The following GPHN variants were observed in gnomAD, a reference collection of about 807,000 sequenced individuals.
GPHN encodes gephyrin.
Under a neutral mutation model 95.5 loss-of-function variants are expected in GPHN, and 17 were observed. The ratio of observed to expected loss-of-function variants is 0.18; its 90% confidence interval spans 0.12 to 0.27. The LOEUF (loss-of-function observed/expected upper bound fraction) is 0.27, where lower values mean the gene tolerates loss of function less well. Ranked by LOEUF, GPHN falls within the 10% of genes least tolerant of loss-of-function variation. GPHN has a pLI of 1.00. For synonymous variants in GPHN, 320 were observed against 322.5 expected (o/e 0.99, Z 0.08); for missense variants, 660 against 978.1 (o/e 0.67, Z 4.34).
chr14:67,302,227 A>G, the GPHN span: 2 of 1,276,780 alleles, frequency 1.6e-6, no homozygotes, highest in African/African-American at 3.1e-5. Context: ...TCTGAAGCAG[A>G]AAGTGTGGGG....
At chr14:67,674,030 T>C in the GPHN span, among the ~76,000 whole-genome samples, 1 of 152,246 alleles carries the variant, frequency 6.6e-6, no homozygotes, top group East Asian at 1.9e-4. Context: ...GTCTTGAGAC[T>C]AGTGCTTTTA....
intron 10 of GPHN, among the ~76,000 whole-genome samples, chr14:67,030,193 A>T (rs943395098): frequency 5.3e-5 from 8 of 152,028 alleles, no homozygotes; most frequent in African/African-American, 1.9e-4. Flanking sequence ...ATCTTTTCTT[A>T]AATATTACAC....
At chr14:66,705,810 G>A (rs1436097161) in intron 2 of GPHN, among the ~76,000 whole-genome samples, 1 of 152,082 alleles carries the variant, frequency 6.6e-6, no homozygotes, top group Non-Finnish European at 1.5e-5. Context: ...TGTAAGTTCT[G>A]GCCAGGGCAA....
intron 4 of GPHN, among the ~76,000 whole-genome samples, chr14:66,830,251 G>A (rs554806730): frequency 1.3e-5 from 2 of 151,922 alleles, no homozygotes; most frequent in South Asian, 2.1e-4. Context: ...AATAATGTTA[G>A]GTTTCCTTCC....
At chr14:67,331,467 G>A in the GPHN span, among the ~76,000 whole-genome samples, 10 of 152,010 alleles carry the variant, frequency 6.6e-5, no homozygotes, top group African/African-American at 2.2e-4. Context: ...GTAACCAACC[G>A]GTTATCTAGT....
At chr14:66,895,277 A>G (rs2064775819) in intron 5 of GPHN, among the ~76,000 whole-genome samples, 1 of 152,178 alleles carries the variant, frequency 6.6e-6, no homozygotes, top group Non-Finnish European at 1.5e-5. Context: ...CAGACACCGC[A>G]TGTTCTCACT....
At chr14:67,479,813 A>T in the GPHN span, among the ~76,000 whole-genome samples, 12 of 152,258 alleles carry the variant, frequency 7.9e-5, no homozygotes, top group African/African-American at 2.9e-4. Context: ...TAAGCAAATG[A>T]ACCCAAAGAA....
the GPHN span, chr14:67,349,057 G>A: frequency 1.2e-5 from 20 of 1,613,778 alleles, no homozygotes; most frequent in Admixed American, 6.7e-5. Flanking sequence ...ATCTTTCTTC[G>A]CTCGAATCTT....
chr14:67,704,349 T>A, the GPHN span, among the ~76,000 whole-genome samples: 2 of 152,206 alleles, frequency 1.3e-5, no homozygotes, highest in East Asian at 3.9e-4. Context: ...ATTGAGGCAT[T>A]TTTAAAATAA....
At chr14:66,642,610 G>A (rs1273985384) in intron 1 of GPHN, among the ~76,000 whole-genome samples, 1 of 150,150 alleles carries the variant, frequency 6.7e-6, no homozygotes, top group Non-Finnish European at 1.5e-5. Flanking sequence ...AGCTAACCTG[G>A]ATTTCTGACT....
intron 2 of GPHN, among the ~76,000 whole-genome samples, chr14:66,721,725 C>T (rs1169441856): frequency 3.3e-5 from 5 of 151,888 alleles, no homozygotes; most frequent in Admixed American, 3.3e-4. Context: ...CCGAGGCAGG[C>T]GAATCACCTG....
intron 8 of GPHN, among the ~76,000 whole-genome samples, chr14:66,953,395 T>C (rs1010197049): frequency 2.0e-5 from 3 of 152,116 alleles, no homozygotes; most frequent in Non-Finnish European, 4.4e-5. Context: ...TAAAAATCCA[T>C]CACCAAAGTC....
chr14:66,882,889 A>G (rs1428713712), intron 5 of GPHN, among the ~76,000 whole-genome samples: 2 of 150,600 alleles, frequency 1.3e-5, no homozygotes, highest in South Asian at 4.2e-4. Flanking sequence ...ATATGATTCC[A>G]CTCTCTTTTG....
chr14:67,454,193 A>T, the GPHN span: 1 of 152,172 alleles, frequency 6.6e-6, no homozygotes, highest in Non-Finnish European at 1.5e-5. Flanking sequence ...AATTGTTATA[A>T]GAATTTAAAT....
At chr14:67,619,787 G>T in the GPHN span, 1 of 546,634 alleles carries the variant, frequency 1.8e-6, no homozygotes, top group Non-Finnish European at 3.2e-6. Flanking sequence ...GCAGAGCGGT[G>T]GGCGGGGCCT....
At chr14:67,425,430 C>T in the GPHN span, among the ~76,000 whole-genome samples, 4 of 152,064 alleles carry the variant, frequency 2.6e-5, no homozygotes, top group East Asian at 7.7e-4. Context: ...ATAGTCCCAG[C>T]TACTCCAGAG....
chr14:67,565,973 A>G, the GPHN span, among the ~76,000 whole-genome samples: 7 of 152,052 alleles, frequency 4.6e-5, no homozygotes, highest in African/African-American at 1.4e-4. Flanking sequence ...TACAAAAATT[A>G]TTTGGGCATG....
the GPHN span, among the ~76,000 whole-genome samples, chr14:67,283,594 A>G: frequency 1.3e-5 from 2 of 152,154 alleles, no homozygotes; most frequent in African/African-American, 4.8e-5. Context: ...CCATTCCTTC[A>G]GGGAATTTTT....
chr14:67,320,276 T>C, the GPHN span: 3 of 1,613,686 alleles, frequency 1.9e-6, no homozygotes, highest in Non-Finnish European at 2.5e-6. Context: ...TGTCACTTTA[T>C]CATCAGCCAG....
Sources: allele counts gnomAD v4.1 joint callset (sites outside exome capture counted in the v4.1 genomes callset), GRCh38; gene constraint gnomAD v4.1.1; transcripts MANE v1.5; gene names NCBI Gene and HGNC (gene_info 2026-07-23, HGNC 2026-07-21).